Variants in KIF25 observed in about 807,000 individuals in gnomAD.
KIF25 encodes kinesin-like protein KIF25.
KIF25 carries 19 observed loss-of-function variants against 32.9 expected under a neutral mutation model. That is an observed-to-expected ratio of 0.58 (90% CI 0.40 to 0.85). The LOEUF (loss-of-function observed/expected upper bound fraction) is 0.85. Ranked by LOEUF, KIF25 falls within the 40% of genes least tolerant of loss-of-function variation. The pLI is 0.00. For synonymous variants in KIF25, 225 were observed against 213.7 expected (o/e 1.05, Z -0.46); for missense variants, 485 against 507.0 (o/e 0.96, Z 0.42).
intron 2 of KIF25, among the ~76,000 whole-genome samples, chr6:167,999,780 G>A (rs1001211920): frequency 1.3e-5 from 2 of 152,130 alleles, no homozygotes; most frequent in Non-Finnish European, 2.9e-5. Context: ...AGTTTTGATG[G>A]TATTCATGGA....
At chr6:168,019,598 C>T (rs1443962382) in intron 5 of KIF25, among the ~76,000 whole-genome samples, 8 of 152,114 alleles carry the variant, frequency 5.3e-5, no homozygotes, top group Admixed American at 2.0e-4. Flanking sequence ...GAGTGGGCTC[C>T]GGGGACGGCT....
At chr6:168,024,870 G>A (rs1798838677) in intron 5 of KIF25, among the ~76,000 whole-genome samples, 1 of 152,082 alleles carries the variant, frequency 6.6e-6, no homozygotes, top group Non-Finnish European at 1.5e-5. Flanking sequence ...GGTCAACATG[G>A]TGAAACCTCA....
intron 4 of KIF25, among the ~76,000 whole-genome samples, chr6:168,017,147 C>A (rs779037056): frequency 1.3e-5 from 2 of 152,226 alleles, no homozygotes; most frequent in Non-Finnish European, 2.9e-5. Context: ...AATCTCACAG[C>A]TTTTGTCTTT....
intron 5 of KIF25, among the ~76,000 whole-genome samples, chr6:168,028,052 A>C (rs1231989928): frequency 1.3e-5 from 2 of 152,324 alleles, no homozygotes; most frequent in South Asian, 2.1e-4. Flanking sequence ...CTGCTGGGAC[A>C]CGCATGGCCG....
At position 168,025,325 on chromosome 6, in the gene KIF25, G is replaced by A. The variant is rs866996718; in HGVS notation, c.-94-4167G>A. ...CCGCTGCTCCAACTTCTCATTTCCCGCTCCTGCTTCATCTCTTGGAATAGT... is the reference window on the plus strand; with the variant it reads ...CCGCTGCTCCAACTTCTCATTTCCCACTCCTGCTTCATCTCTTGGAATAGT... On this transcript the variant is annotated intron_variant, in intron 5 of 12. Transcript: ENST00000643607. Among the ~76,000 whole-genome samples the A allele has an allele frequency of 7.2e-5, 11 of 152,080 alleles. 1 individual carries two copies. The South Asian group carries it at 2.3e-3, about 32-fold the overall frequency.
At chr6:168,016,435 G>A (rs924879199) in intron 4 of KIF25, among the ~76,000 whole-genome samples, 5 of 152,194 alleles carry the variant, frequency 3.3e-5, no homozygotes, top group Admixed American at 1.3e-4. Context: ...ACCACGGACC[G>A]CCCCAGCCAC....
At position 168,044,930 on chromosome 6, in the gene KIF25, C is replaced by T. The variant is rs757645823; in HGVS notation, c.1089C>T (p.Val363=). The T allele has an allele frequency of 1.2e-6, 2 of 1,612,308 alleles. No individual in the cohort carries two copies. The highest frequency in any genetic ancestry group is 2.2e-5 in the East Asian group (1 of 44,810). ...GLGFGIRARQ[V]QRGPARKKPP... is the part of the protein sequence containing the mutation. The stretch of plus-strand genomic sequence containing the variant: ...GTTTCGGGATCCGAGCTCGGCAAGT[C>T]CAGCGAGGCCCTGCCCGAAAGAAGC... The change falls in exon 13 of 13, where the codon GTC becomes GTT. Residue 363 remains valine (V), a synonymous_variant. Coordinates refer to ENST00000643607, the MANE Select transcript of KIF25 (RefSeq NM_030615.4).
At chr6:168,043,879 C>T (rs1333621441) in intron 12 of KIF25, among the ~76,000 whole-genome samples, 1 of 152,232 alleles carries the variant, frequency 6.6e-6, no homozygotes, top group African/African-American at 2.4e-5. Flanking sequence ...TCCTGAAAAA[C>T]AGGAAGAGAC....
rs555005397 is a variant in KIF25 at position 168,039,916 on chromosome 6, A to G, written c.495-149A>G. 1.9e-5 allele frequency: 19 copies of G among 990,006 alleles called. No homozygotes were observed. The East Asian group carries it at 4.8e-4, about 25-fold the overall frequency. 61.3% of individuals were successfully genotyped at this position (990,006 alleles called of 1,614,324 possible). ...TCAAAAGGAAAAAGTTTGCTTTACCATGATTTATTGTGCCTGAGACTGGCT... is the reference window on the plus strand; with the variant it reads ...TCAAAAGGAAAAAGTTTGCTTTACCGTGATTTATTGTGCCTGAGACTGGCT... On this transcript the variant is annotated intron_variant, in intron 9 of 12. Transcript: ENST00000643607.
rs1184125775 is a variant in KIF25 at position 168,044,904 on chromosome 6, G to A, written c.1063G>A (p.Gly355Ser). Reference sequence around the variant, plus strand: ...CCTGGCACAGACGTTGCAGGGCCTGGGTTTCGGGATCCGAGCTCGGCAAGT... The same window carrying A: ...CCTGGCACAGACGTTGCAGGGCCTGAGTTTCGGGATCCGAGCTCGGCAAGT... ...RHLAQTLQGL[G>S]FGIRARQVQR... is the part of the protein sequence containing the mutation. Residue 355 changes from glycine to serine, a missense_variant, in exon 13 of 13, where the codon GGT (glycine) becomes AGT (serine). By Grantham distance (56) the Gly-to-Ser change is moderately conservative (BLOSUM62 0). Transcript: ENST00000643607. The A allele has an allele frequency of 6.2e-7, 1 of 1,613,184 alleles. No individual in the cohort carries two copies. Among genetic ancestry groups the A allele is most frequent in the Admixed American group, 1.7e-5 (1 of 59,996 alleles).
chr6:168,038,541 G>C lies in KIF25; in HGVS notation c.318-12G>C. 1 of 1,613,586 alleles carries C rather than the reference G, an allele frequency of 6.2e-7. No individual in the cohort carries two copies. Among genetic ancestry groups the C allele is most frequent in the South Asian group, 1.1e-5 (1 of 91,040 alleles). On this transcript the variant is annotated splice_polypyrimidine_tract_variant and intron_variant, in intron 8 of 12. Transcript: ENST00000643607. ...GACTTTCTGTAAGTTTCTCTTGTGT[G>C]TTTTCCCGCAGGCTCATTTTGGAAA...
chr6:168,024,329 A>G (rs755372554), intron 5 of KIF25, among the ~76,000 whole-genome samples: 2 of 151,572 alleles, frequency 1.3e-5, no homozygotes, highest in African/African-American at 2.4e-5. Flanking sequence ...TTTTTTTACA[A>G]TCCTTCACTG....
At chr6:168,025,046 G>A (rs1798840920) in intron 5 of KIF25, among the ~76,000 whole-genome samples, 1 of 152,142 alleles carries the variant, frequency 6.6e-6, no homozygotes, top group Non-Finnish European at 1.5e-5. Flanking sequence ...GTGAGATTCT[G>A]TCTTCAAAAA....
rs538756817 is a variant in KIF25 at position 167,997,775 on chromosome 6, T to C, written c.-1694T>C. 1.8e-4 allele frequency among the ~76,000 whole-genome samples: 27 copies of C among 151,682 alleles called. No individual in the cohort carries two copies. Among genetic ancestry groups the C allele is most frequent in the African/African-American group, 6.5e-4 (27 of 41,446 alleles). On this transcript the variant is annotated 5_prime_UTR_variant, in exon 1 of 13. Transcript: ENST00000643607. Reference sequence around the variant, plus strand: ...AACACGAGGATGCCAAGGTGGATGATTGAGTGGGTGACCCTCGCTTCTGTG... The same window carrying C: ...AACACGAGGATGCCAAGGTGGATGACTGAGTGGGTGACCCTCGCTTCTGTG...
rs776390430 is a variant in KIF25, at chr6:168,042,160, G to GGGCA, written c.829+14_829+17dup. On this transcript the variant is annotated intron_variant, in intron 11 of 12. Transcript: ENST00000643607. ...CGGCAGCGAGTGCGTTGGTGAGCAG[G>GGGCA]GGCAGGCATTTCCCTGGGGGGTGGG... 6.5e-7 allele frequency: 1 copy of GGGCA among 1,546,538 alleles called. No homozygotes were observed. Among genetic ancestry groups the GGGCA allele is most frequent in the South Asian group, 1.2e-5 (1 of 83,888 alleles).
chr6:168,042,033 C>T lies in KIF25; in HGVS notation c.711C>T (p.Ser237=). 1 of 1,551,466 alleles carries T rather than the reference C, an allele frequency of 6.4e-7. No individual in the cohort carries two copies. The highest frequency in any genetic ancestry group is 8.7e-7 in the Non-Finnish European group (1 of 1,147,104). The change falls in exon 11 of 13, where the codon AGC becomes AGT. Residue 237 remains serine, a synonymous_variant. Coordinates refer to ENST00000643607, the MANE Select transcript of KIF25 (RefSeq NM_030615.4). ...CAGAGGCAGGAAGGGCAGGAAGGAG[C>T]CGCAGAGCTTCTCAAGGGGCCTTGG... ...EQTEAGRAGR[S]RRASQGALAP... is the part of the protein sequence containing the mutation.
intron 4 of KIF25, among the ~76,000 whole-genome samples, chr6:168,006,532 G>A (rs781740816): frequency 2.0e-5 from 3 of 152,158 alleles, no homozygotes; most frequent in Non-Finnish European, 4.4e-5. Flanking sequence ...ACCTGAGGAC[G>A]TCTTGTGCTG....
intron 8 of KIF25, among the ~76,000 whole-genome samples, chr6:168,035,441 A>AACGGCGCTGCGG (rs1562390528): frequency 8.0e-5 from 1 of 12,512 alleles, no homozygotes; most frequent in African/African-American, 4.6e-4. Context: ...GGCGCGGCGG[A>AACGGCGCTGCGG]GGAGGCGGGA....
At chr6:168,032,941 T>C (rs1434759021) in intron 7 of KIF25, among the ~76,000 whole-genome samples, 1 of 151,524 alleles carries the variant, frequency 6.6e-6, no homozygotes, top group East Asian at 1.9e-4. Flanking sequence ...ACTAAGAGGA[T>C]GATTTTCTAT....
Sources: gnomAD v4.1 joint callset for allele counts (sites outside exome capture counted in the v4.1 genomes callset) on GRCh38, gnomAD v4.1.1 for gene constraint, MANE v1.5 for transcripts, NCBI Gene and HGNC (gene_info 2026-07-23, HGNC 2026-07-21) for gene names.